Variants in ALG12 observed in about 807,000 individuals in gnomAD.
ALG12 encodes ALG12 alpha-1,6-mannosyltransferase.
ALG12 carries 36 observed loss-of-function variants against 46.0 expected under a neutral mutation model. The ratio of observed to expected loss-of-function variants is 0.78; its 90% CI spans 0.60 to 1.03. The LOEUF (loss-of-function observed/expected upper bound fraction) is 1.03. Among genes scored for constraint, ALG12 ranks in the 50% least tolerant of loss-of-function variants. The pLI, the probability that ALG12 is intolerant of heterozygous loss-of-function variation, is 0.00. For missense variants in ALG12, 599 were observed against 633.5 expected, an observed-to-expected ratio of 0.95 and a Z score of 0.58; for synonymous variants, 326 against 291.6, an observed-to-expected ratio of 1.12 and a Z score of -1.20.
the ALG12 span, chr22:49,883,570 A>C: frequency 6.3e-6 from 9 of 1,429,356 alleles, no homozygotes; most frequent in African/African-American, 1.2e-4. Flanking sequence ...TTATGACGAA[A>C]AAGTGAAGAT....
At chr22:49,863,145 C>G in the ALG12 span, among the ~76,000 whole-genome samples, 1 of 152,116 alleles carries the variant, frequency 6.6e-6, no homozygotes, top group Non-Finnish European at 1.5e-5. Flanking sequence ...CCAGTGTGTT[C>G]CTCTATCCTT....
chr22:49,871,902 T>A, the ALG12 span, among the ~76,000 whole-genome samples: 1 of 151,894 alleles, frequency 6.6e-6, no homozygotes, highest in Non-Finnish European at 1.5e-5. Flanking sequence ...CACACCAACA[T>A]GCCCAGCTAA....
At chr22:49,912,574 G>C (rs756252028) in intron 3 of ALG12, among the ~76,000 whole-genome samples, 1 of 152,206 alleles carries the variant, frequency 6.6e-6, no homozygotes, top group Non-Finnish European at 1.5e-5. Context: ...AAGCAGAACT[G>C]CTCCTTCCCC....
chr22:49,874,310 A>G, the ALG12 span, among the ~76,000 whole-genome samples: 28 of 152,152 alleles, frequency 1.8e-4, no homozygotes, highest in Non-Finnish European at 3.1e-4. Flanking sequence ...GAATAGAGGT[A>G]GAAGTGTTGG....
At chr22:49,918,009 C>T (rs1019453105) in intron 1 of ALG12, among the ~76,000 whole-genome samples, 6 of 151,604 alleles carry the variant, frequency 4.0e-5, no homozygotes, top group African/African-American at 1.5e-4. Context: ...AGGTCGGGCC[C>T]CCGGATGAGA....
At chr22:49,888,046 T>C in the ALG12 span, 71 of 167,376 alleles carry the variant, frequency 4.2e-4, no homozygotes, top group Non-Finnish European at 6.3e-4. Flanking sequence ...TGATCAAATT[T>C]GTGTAAAATT....
downstream of ALG12, among the ~76,000 whole-genome samples, chr22:49,899,807 T>C (rs1013758179): frequency 6.6e-6 from 1 of 151,562 alleles, no homozygotes; most frequent in Non-Finnish European, 1.5e-5. Context: ...TATCATGTGG[T>C]AGAGTGCCAG....
chr22:49,913,917 G>A (rs1199714609), intron 1 of ALG12, 74 bp from the exon 2 acceptor site: 19 of 948,354 alleles, frequency 2.0e-5, no homozygotes, highest in Non-Finnish European at 2.0e-5. Context: ...CCGGGTAAAG[G>A]GTTAGCAGAA....
At chr22:49,882,422 A>G in the ALG12 span, among the ~76,000 whole-genome samples, 1 of 152,212 alleles carries the variant, frequency 6.6e-6, no homozygotes, top group Non-Finnish European at 1.5e-5. Flanking sequence ...CTCTTCAAAA[A>G]AAGTTTGTTA....
chr22:49,877,513 A>T, the ALG12 span, among the ~76,000 whole-genome samples: 16,027 of 151,972 alleles, frequency 0.11, 1,116 homozygotes, highest in African/African-American at 0.19. Flanking sequence ...GCTGGTCTTG[A>T]ACTCCTGACC....
At chr22:49,890,102 C>A in the ALG12 span, 1 of 155,448 alleles carries the variant, frequency 6.4e-6, no homozygotes. Context: ...GTTTGTAATC[C>A]CAGTACTTTG....
At chr22:49,910,976 C>T (rs1433656790) in intron 3 of ALG12, among the ~76,000 whole-genome samples, 2 of 152,248 alleles carry the variant, frequency 1.3e-5, no homozygotes, top group East Asian at 3.8e-4. Context: ...AGACCTTGCT[C>T]TAACCAGCAG....
chr22:49,886,832 A>T, the ALG12 span: 1 of 1,613,640 alleles, frequency 6.2e-7, no homozygotes, highest in Admixed American at 1.7e-5. This position sits in a 1 kb window ranked among gnomAD's most constrained non-coding sequence, Gnocchi z 7.7. Context: ...CCGTCGAAAG[A>T]CTCTGCCGCA....
At chr22:49,878,418 T>C in the ALG12 span, among the ~76,000 whole-genome samples, 1 of 151,898 alleles carries the variant, frequency 6.6e-6, no homozygotes. Flanking sequence ...AAGAAGAGAT[T>C]GGTGGAGCGA....
chr22:49,891,530 C>G, the ALG12 span, among the ~76,000 whole-genome samples: 1 of 152,184 alleles, frequency 6.6e-6, no homozygotes, highest in South Asian at 2.1e-4. Context: ...CTTCTTAAAA[C>G]GAGGTATCTA....
At chr22:49,912,827 A>G (rs1465315743) in intron 3 of ALG12, among the ~76,000 whole-genome samples, 1 of 152,098 alleles carries the variant, frequency 6.6e-6, no homozygotes, top group African/African-American at 2.4e-5. Context: ...TGATTGCACC[A>G]CTGCACTTCA....
chr22:49,862,103 G>GA, the ALG12 span, among the ~76,000 whole-genome samples: 2 of 152,298 alleles, frequency 1.3e-5, no homozygotes, highest in South Asian at 4.1e-4. Flanking sequence ...TGTGAAAAAT[G>GA]AAAAAACTGT....
the ALG12 span, chr22:49,884,843 C>T: frequency 6.2e-7 from 1 of 1,610,554 alleles, no homozygotes; most frequent in South Asian, 1.1e-5. Context: ...GACAGGCTGA[C>T]TGAGGACTTG....
chr22:49,871,765 T>TTTTTTTTTTTA, the ALG12 span, among the ~76,000 whole-genome samples: 3 of 147,038 alleles, frequency 2.0e-5, no homozygotes, highest in Admixed American at 6.7e-5. Context: ...TTATTTTTTT[T>TTTTTTTTTTTA]TTTTTTTGAG....
Sources: gnomAD v4.1 joint callset for allele counts (sites outside exome capture counted in the v4.1 genomes callset) on GRCh38, gnomAD v4.1.1 for gene constraint, Gnocchi (gnomAD v3.1) non-coding constraint, MANE v1.5 for transcripts, NCBI Gene and HGNC (gene_info 2026-07-23, HGNC 2026-07-21) for gene names.